The following MED27 variants were observed in gnomAD, a reference collection of about 807,000 sequenced individuals.
MED27 encodes the protein mediator of RNA polymerase II transcription subunit 27.
In MED27, 30 loss-of-function variants were observed where a neutral mutation model predicts 38.2. That is an observed-to-expected ratio of 0.79 (90% CI 0.59 to 1.07). The LOEUF (loss-of-function observed/expected upper bound fraction) is 1.07. MED27 is among the 50% of genes least tolerant of loss of function. The pLI, the probability that MED27 is intolerant of heterozygous loss-of-function variation, is 0.00. For synonymous variants in MED27, 122 were observed against 153.5 expected (o/e 0.79, Z 1.52); for missense variants, 289 against 397.5 (o/e 0.73, Z 2.32).
chr9:131,864,838 T>G (rs1447676346), intron 6 of MED27, among the ~76,000 whole-genome samples: 1 of 152,238 alleles, frequency 6.6e-6, no homozygotes, highest in South Asian at 2.1e-4. Flanking sequence ...GAGACTGTAC[T>G]GCATACTGAG....
intron 2 of MED27, among the ~76,000 whole-genome samples, chr9:132,035,232 T>A (rs1281871682): frequency 6.6e-6 from 1 of 152,188 alleles, no homozygotes; most frequent in African/African-American, 2.4e-5. Context: ...CAGGTTGAAT[T>A]ACAAAGCTAA....
chr9:132,006,277 G>C (rs1183150465), intron 3 of MED27, among the ~76,000 whole-genome samples: 1 of 152,148 alleles, frequency 6.6e-6, no homozygotes, highest in Non-Finnish European at 1.5e-5. Flanking sequence ...AAAGGAGACT[G>C]AGGAAACGCT....
At chr9:131,881,382 C>T (rs879293351) in intron 6 of MED27, among the ~76,000 whole-genome samples, 1 of 152,142 alleles carries the variant, frequency 6.6e-6, no homozygotes, top group Non-Finnish European at 1.5e-5. Context: ...CACACCCTTC[C>T]TTCCTTTATG....
intron 6 of MED27, among the ~76,000 whole-genome samples, chr9:131,874,740 G>A (rs1838899368): frequency 6.6e-6 from 1 of 152,210 alleles, no homozygotes; most frequent in South Asian, 2.1e-4. Context: ...AGGAATTAAG[G>A]CTTTTCATTT....
chr9:131,892,826 T>C (rs1287219958), intron 5 of MED27, among the ~76,000 whole-genome samples: 1 of 152,218 alleles, frequency 6.6e-6, no homozygotes, highest in Non-Finnish European at 1.5e-5. Context: ...CAAAGACATT[T>C]GGTTTTTCCA....
intron 6 of MED27, among the ~76,000 whole-genome samples, chr9:131,873,112 T>G (rs1838865092): frequency 6.6e-6 from 1 of 152,028 alleles, no homozygotes; most frequent in Non-Finnish European, 1.5e-5. Flanking sequence ...CTACTAAGAG[T>G]TTTGCCAAGG....
intron 2 of MED27, among the ~76,000 whole-genome samples, chr9:132,030,943 T>A (rs1832946286): frequency 6.6e-6 from 1 of 152,230 alleles, no homozygotes; most frequent in African/African-American, 2.4e-5. Context: ...CAGCACTACC[T>A]TTGCAGAGTG....
In MED27 at chr9:131,990,060, G is replaced by A. The variant is rs567243792; in HGVS notation, c.479+24277C>T. ...CTGGGCTGTTCACTATGGTTCCCCC[G>A]CACACAGAACCTGCCCCACTTTAGA... On this transcript the variant is annotated intron_variant, in intron 3 of 7. Coordinates refer to ENST00000292035, the MANE Select transcript of MED27 (RefSeq NM_004269.4). 7.9e-5 allele frequency among the ~76,000 whole-genome samples: 12 copies of A among 152,070 alleles called. No individual in the cohort carries two copies. In the South Asian group the frequency reaches 1.2e-3, roughly 16 times the overall value.
At position 131,973,216 on chromosome 9, in the gene MED27, CCTT is replaced by C. The variant is rs374136229; in HGVS notation, c.480-33745_480-33743del. On this transcript the variant is annotated intron_variant, in intron 3 of 7. Transcript: ENST00000292035. ...GTTCCCTGTCCATTCCCTCTTTCCT[CCTT>C]ATGAACAAAACCCTGCCTGTGACAA... Among the ~76,000 whole-genome samples, 542 of 152,300 alleles carry C rather than the reference CCTT, an allele frequency of 3.6e-3. 3 individuals are homozygous for C. The highest frequency in any genetic ancestry group is 5.0e-3 in the Non-Finnish European group (341 of 68,040).
intron 3 of MED27, among the ~76,000 whole-genome samples, chr9:131,991,871 G>A (rs1054017590): frequency 7.2e-5 from 11 of 152,058 alleles, no homozygotes; most frequent in Non-Finnish European, 8.8e-5. Flanking sequence ...ACAGGCGAGC[G>A]CCACCATGCC....
At chr9:131,993,460 ACACGTGGGCTCCAGCTGTCAGCT>A (rs1022258193) in intron 3 of MED27, among the ~76,000 whole-genome samples, 1 of 152,190 alleles carries the variant, frequency 6.6e-6, no homozygotes, top group Non-Finnish European at 1.5e-5. Flanking sequence ...AGGACAGTCA[ACACGTGGGCTCCAGCTGTCAGCT>A]CACGCAGAGT....
chr9:131,893,995 G>A lies in MED27; in HGVS notation c.574-3C>T. Reference sequence around the variant, plus strand: ...TTCAACACCTTTCCCAAGGTCACCTGCCAAAACACATGTAAGCTGACACTT... The same window carrying A: ...TTCAACACCTTTCCCAAGGTCACCTACCAAAACACATGTAAGCTGACACTT... On this transcript the variant is annotated splice_polypyrimidine_tract_variant and splice_region_variant and intron_variant, in intron 4 of 7. Transcript: ENST00000292035. 1 of 1,612,548 alleles carries A rather than the reference G, an allele frequency of 6.2e-7. No homozygotes were observed. Among genetic ancestry groups the A allele is most frequent in the South Asian group, 1.1e-5 (1 of 91,026 alleles).
At position 131,889,747 on chromosome 9, in the gene MED27, G is replaced by A. The variant is rs1213289653; in HGVS notation, c.681+4138C>T. ...TGCTGGGCCACTACAGCAGCAAGAA[G>A]GATAATGAAACTTTCGAATGTGCTG... On this transcript the variant is annotated intron_variant, in intron 5 of 7. Coordinates refer to ENST00000292035, the MANE Select transcript of MED27 (RefSeq NM_004269.4). This position sits in a 1 kb window ranked among gnomAD's most constrained non-coding sequence, Gnocchi z 4.2. Among the ~76,000 whole-genome samples the A allele has an allele frequency of 6.6e-6, 1 of 152,226 alleles. No homozygotes were observed. The highest frequency in any genetic ancestry group is 1.5e-5 in the Non-Finnish European group (1 of 68,048).
intron 2 of MED27, among the ~76,000 whole-genome samples, chr9:132,071,627 CCA>C (rs1390737096): frequency 6.6e-6 from 1 of 150,798 alleles, no homozygotes; most frequent in East Asian, 2.0e-4. Context: ...TACAAGTAAC[CCA>C]CACCTCATGA....
chr9:132,031,369 A>G (rs190847440), intron 2 of MED27, among the ~76,000 whole-genome samples: 22 of 152,382 alleles, frequency 1.4e-4, no homozygotes, highest in Admixed American at 3.9e-4. Context: ...CCAAGTATCA[A>G]TTAAAGCAAT....
intron 3 of MED27, among the ~76,000 whole-genome samples, chr9:131,941,767 C>T (rs1466626459): frequency 6.7e-6 from 1 of 149,734 alleles, no homozygotes; most frequent in Non-Finnish European, 1.5e-5. Context: ...AGTGAACTTG[C>T]TCAGAAAGAA....
At chr9:131,998,551 G>C (rs1439914797) in intron 3 of MED27, among the ~76,000 whole-genome samples, 1 of 152,172 alleles carries the variant, frequency 6.6e-6, no homozygotes, top group Non-Finnish European at 1.5e-5. Context: ...ACTACCCAAC[G>C]ATGTCAGAGG....
chr9:132,025,833 A>C (rs1832805296), intron 2 of MED27, among the ~76,000 whole-genome samples: 2 of 152,244 alleles, frequency 1.3e-5, no homozygotes, highest in Admixed American at 1.3e-4. Flanking sequence ...TATTATTATG[A>C]TTAGTGTTAA....
chr9:132,079,832 T>C lies in MED27; in HGVS notation c.13A>G (p.Ile5Val), dbSNP rs373202251. The C allele has an allele frequency of 4.1e-4, 652 of 1,593,766 alleles. No homozygotes were observed. Among genetic ancestry groups the C allele is most frequent in the Non-Finnish European group, 4.9e-4 (570 of 1,169,982 alleles). Residue 5 changes from isoleucine to valine, a missense_variant, in exon 1 of 8, where the codon ATA becomes GTA. Physicochemically the swap from Ile to Val is conservative, Grantham distance 29. Transcript: ENST00000292035. MADVINVSVNLEAFS... is the reference protein window; with the variant it reads MADVVNVSVNLEAFS... ...GCCTCCAGGTTCACACTGACATTTA[T>C]CACGTCCGCCATGTTGCCGCCGCCA...
Sources: allele counts gnomAD v4.1 joint callset (sites outside exome capture counted in the v4.1 genomes callset), GRCh38; gene constraint gnomAD v4.1.1; non-coding constraint Gnocchi (gnomAD v3.1); transcripts MANE v1.5; gene names NCBI Gene and HGNC (gene_info 2026-07-23, HGNC 2026-07-21).